The following DPP10 variants were observed in gnomAD, a reference collection of about 807,000 sequenced individuals.
DPP10 encodes dipeptidyl peptidase like 10, also known as inactive dipeptidyl peptidase 10.
A neutral mutation model predicts 120.9 loss-of-function variants in DPP10; 33 were observed. The ratio of observed to expected loss-of-function variants is 0.27; its 90% CI spans 0.21 to 0.37. DPP10 has a LOEUF of 0.37. Ranked by LOEUF, DPP10 falls within the 10% of genes least tolerant of loss-of-function variation. DPP10 has a pLI of 1.00. For missense variants in DPP10, 816 were observed against 942.8 expected (o/e 0.87, Z 1.76); for synonymous variants, 337 against 326.1 (o/e 1.03, Z -0.36).
At chr2:115,681,130 C>T (rs1027220632) in intron 5 of DPP10, among the ~76,000 whole-genome samples, 17 of 151,444 alleles carry the variant, frequency 1.1e-4, no homozygotes, top group African/African-American at 3.6e-4. Flanking sequence ...TTGTTTTAGC[C>T]GTAGTAAAAA....
chr2:115,561,107 G>C (rs1006140914), intron 5 of DPP10, among the ~76,000 whole-genome samples: 1 of 152,086 alleles, frequency 6.6e-6, no homozygotes, highest in Non-Finnish European at 1.5e-5. Flanking sequence ...CCAGCACTTT[G>C]GGAGGCCAAG....
intron 8 of DPP10, among the ~76,000 whole-genome samples, chr2:115,736,034 G>T (rs755074239): frequency 7.2e-5 from 11 of 151,880 alleles, no homozygotes; most frequent in Non-Finnish European, 1.2e-4. Context: ...TTTTTTGGGG[G>T]AGTTGCATAA....
chr2:114,897,113 T>A (rs1319776196), intron 1 of DPP10, among the ~76,000 whole-genome samples: 3 of 152,010 alleles, frequency 2.0e-5, no homozygotes, highest in Admixed American at 2.0e-4. Context: ...ATAAGCTTTT[T>A]GATGTGCTGC....
At chr2:115,532,694 T>A (rs1342140331) in intron 5 of DPP10, among the ~76,000 whole-genome samples, 1 of 151,984 alleles carries the variant, frequency 6.6e-6, no homozygotes, top group Non-Finnish European at 1.5e-5. Flanking sequence ...ATTAAAACCA[T>A]ACTTTTAAAG....
intron 1 of DPP10, among the ~76,000 whole-genome samples, chr2:115,005,473 A>G (rs1324131971): frequency 6.6e-6 from 1 of 151,406 alleles, no homozygotes; most frequent in Non-Finnish European, 1.5e-5. Flanking sequence ...CTTTGAAAAA[A>G]ATTTAGAAGA....
intron 1 of DPP10, among the ~76,000 whole-genome samples, chr2:114,522,231 G>A (rs959107587): frequency 3.3e-5 from 5 of 151,502 alleles, no homozygotes; most frequent in East Asian, 1.9e-4. Flanking sequence ...TGATCCGCCC[G>A]CCTCGGCCTC....
chr2:115,154,142 A>C (rs2051744680), intron 1 of DPP10, among the ~76,000 whole-genome samples: 1 of 152,230 alleles, frequency 6.6e-6, no homozygotes, highest in Non-Finnish European at 1.5e-5. Flanking sequence ...CTGTATTTAC[A>C]ACAACAAATA....
At chr2:115,515,098 T>C (rs960324669) in intron 4 of DPP10, among the ~76,000 whole-genome samples, 1 of 151,934 alleles carries the variant, frequency 6.6e-6, no homozygotes, top group Non-Finnish European at 1.5e-5. Context: ...ACAAAAAAAA[T>C]TGTGTAATAG....
At chr2:115,193,631 T>C (rs759941795) in intron 1 of DPP10, among the ~76,000 whole-genome samples, 3 of 152,208 alleles carry the variant, frequency 2.0e-5, no homozygotes, top group Non-Finnish European at 4.4e-5. Flanking sequence ...TTTTTCCAAA[T>C]GTATGGACCA....
At chr2:114,484,679 C>T (rs1415883211) in intron 1 of DPP10, among the ~76,000 whole-genome samples, 1 of 152,126 alleles carries the variant, frequency 6.6e-6, no homozygotes, top group African/African-American at 2.4e-5. Context: ...TCTCTCATCC[C>T]ACACCAGAAC....
intron 7 of DPP10, among the ~76,000 whole-genome samples, chr2:115,714,415 A>G (rs962440921): frequency 3.9e-5 from 6 of 152,318 alleles, no homozygotes; most frequent in African/African-American, 4.8e-5. Context: ...CCATCATTGT[A>G]TCTCCAAAAT....
At chr2:115,674,048 CAAACA>C (rs747524920) in intron 5 of DPP10, among the ~76,000 whole-genome samples, 7 of 151,846 alleles carry the variant, frequency 4.6e-5, no homozygotes, top group African/African-American at 1.2e-4. Flanking sequence ...TCTGTCTCTA[CAAACA>C]AAACAAAACA....
intron 12 of DPP10, among the ~76,000 whole-genome samples, chr2:115,767,289 C>T (rs1680878700): frequency 6.6e-6 from 1 of 152,036 alleles, no homozygotes; most frequent in South Asian, 2.1e-4. Flanking sequence ...GCCAAGTCAT[C>T]TAAAAGGGCT....
In DPP10 at chr2:114,913,636, C is replaced by T. The variant is rs75085782; in HGVS notation, c.61-395603C>T. Among the ~76,000 whole-genome samples, 585 of 152,290 alleles carry T rather than the reference C, an allele frequency of 3.8e-3. 3 individuals carry two copies. The highest frequency in any genetic ancestry group is 7.1e-3 in the Non-Finnish European group (483 of 68,026). ...GCCCAAATAGATGAGGAAGAACCAA[C>T]ATAAGAATTCTGGAAAGTCTAAAAT... On this transcript the variant is annotated intron_variant, in intron 1 of 25. Coordinates refer to ENST00000410059, the MANE Select transcript of DPP10 (RefSeq NM_020868.6).
intron 21 of DPP10, among the ~76,000 whole-genome samples, chr2:115,818,522 A>G (rs182254084): frequency 4.6e-5 from 7 of 152,324 alleles, no homozygotes; most frequent in Admixed American, 4.6e-4. Flanking sequence ...AAAATGCCTC[A>G]TGGAAAAGGG....
chr2:114,696,224 C>A (rs1249446426), intron 1 of DPP10, among the ~76,000 whole-genome samples: 1 of 151,960 alleles, frequency 6.6e-6, no homozygotes, highest in East Asian at 1.9e-4. Context: ...TGATTCTCTG[C>A]CAAGTTCATT....
intron 1 of DPP10, among the ~76,000 whole-genome samples, chr2:114,975,277 C>T (rs1349815159): frequency 6.6e-6 from 1 of 152,106 alleles, no homozygotes; most frequent in Non-Finnish European, 1.5e-5. Context: ...ATCTCTTGAC[C>T]TCATGATCCA....
chr2:115,217,360 A>C (rs995143040), intron 1 of DPP10, among the ~76,000 whole-genome samples: 2 of 152,224 alleles, frequency 1.3e-5, no homozygotes, highest in Non-Finnish European at 2.9e-5. Flanking sequence ...AGTGCTCGCC[A>C]CATAAGGCTC....
At chr2:114,854,093 A>C (rs142400584) in intron 1 of DPP10, among the ~76,000 whole-genome samples, 1 of 152,340 alleles carries the variant, frequency 6.6e-6, no homozygotes, top group African/African-American at 2.4e-5. Flanking sequence ...TGTTTAATAC[A>C]TATGGAAAAT....
Sources: gnomAD v4.1 joint callset for allele counts (sites outside exome capture counted in the v4.1 genomes callset) on GRCh38, gnomAD v4.1.1 for gene constraint, MANE v1.5 for transcripts, NCBI Gene and HGNC (gene_info 2026-07-23, HGNC 2026-07-21) for gene names.